Variants in KCNQ5 observed in about 807,000 individuals in gnomAD.
KCNQ5 encodes potassium voltage-gated channel subfamily KQT member 5.
Under a neutral mutation model 98.2 loss-of-function variants are expected in KCNQ5, and 30 were observed. The ratio of observed to expected loss-of-function variants is 0.31; its 90% CI spans 0.23 to 0.41. The LOEUF is 0.41. Ranked by LOEUF, KCNQ5 falls within the 10% of genes least tolerant of loss-of-function variation. The pLI, the probability that KCNQ5 is intolerant of heterozygous loss-of-function variation, is 1.00. For missense variants in KCNQ5, 835 were observed against 1,182.5 expected (o/e 0.71, Z 4.31); for synonymous variants, 458 against 449.4 (o/e 1.02, Z -0.24).
At chr6:73,112,216 G>A (rs1277220340) in intron 7 of KCNQ5, among the ~76,000 whole-genome samples, 1 of 152,138 alleles carries the variant, frequency 6.6e-6, no homozygotes, top group Non-Finnish European at 1.5e-5. Flanking sequence ...CTAGGGAAGT[G>A]GAAGCTACCG....
intron 9 of KCNQ5, among the ~76,000 whole-genome samples, chr6:73,131,566 A>C (rs1437387766): frequency 3.3e-5 from 5 of 149,320 alleles, no homozygotes. Context: ...AGATGTGTTG[A>C]AACTAAAAAG....
At chr6:72,887,213 A>G (rs1035478979) in intron 1 of KCNQ5, among the ~76,000 whole-genome samples, 3 of 152,156 alleles carry the variant, frequency 2.0e-5, no homozygotes, top group Non-Finnish European at 4.4e-5. Flanking sequence ...TAGTGGACTT[A>G]CAGTTCCACA....
At chr6:72,907,223 C>G (rs1013826736) in intron 1 of KCNQ5, among the ~76,000 whole-genome samples, 2 of 152,106 alleles carry the variant, frequency 1.3e-5, no homozygotes, top group African/African-American at 2.4e-5. Flanking sequence ...AGGCTTAGTA[C>G]TTGGGTGATG....
chr6:73,113,000 G>T (rs528298023), intron 7 of KCNQ5, among the ~76,000 whole-genome samples: 10 of 150,470 alleles, frequency 6.6e-5, no homozygotes, highest in Non-Finnish European at 1.0e-4. Flanking sequence ...GGTTTTAAAA[G>T]GTCACTAAAG....
rs1279063800 is a variant in KCNQ5 at position 73,070,761 on chromosome 6, A to G, written c.617-6561A>G. ...CCATTCGTCTTCATTAACTAGAATT[A>G]GTCACCTCATCTCACCCAGAAGCAA... On this transcript the variant is annotated intron_variant, in intron 3 of 13. Coordinates refer to ENST00000370398, the MANE Select transcript of KCNQ5 (RefSeq NM_019842.4). 2.6e-5 allele frequency among the ~76,000 whole-genome samples: 4 copies of G among 152,326 alleles called. No individual in the cohort carries two copies. The East Asian group carries it at 7.7e-4, about 29-fold the overall frequency.
chr6:73,015,574 A>G lies in KCNQ5; in HGVS notation c.489+11576A>G, dbSNP rs73753223. On this transcript the variant is annotated intron_variant, in intron 2 of 13. Transcript: ENST00000370398. ...CTAACCAAGTGGTCCAGGCTATGCT[A>G]CCAAACTCTGTACAACTTTGTTTCA... Among the ~76,000 whole-genome samples, 1,440 of 152,236 alleles carry G rather than the reference A, an allele frequency of 9.5e-3. 16 individuals carry two copies. Among genetic ancestry groups the G allele is most frequent in the African/African-American group, 0.031 (1,280 of 41,538 alleles).
intron 1 of KCNQ5, among the ~76,000 whole-genome samples, chr6:72,824,237 A>T (rs1775883081): frequency 6.6e-6 from 1 of 152,166 alleles, no homozygotes; most frequent in African/African-American, 2.4e-5. Context: ...GCAATTGAGC[A>T]ATATAAATGG....
intron 1 of KCNQ5, among the ~76,000 whole-genome samples, chr6:72,883,666 G>A (rs1778735877): frequency 6.6e-6 from 1 of 152,084 alleles, no homozygotes; most frequent in African/African-American, 2.4e-5. Context: ...AGGAGCCAGG[G>A]GTGCAGAAGA....
intron 5 of KCNQ5, among the ~76,000 whole-genome samples, chr6:73,102,501 A>G (rs951907385): frequency 6.6e-6 from 1 of 152,202 alleles, no homozygotes; most frequent in African/African-American, 2.4e-5. Flanking sequence ...CTGACAAGAG[A>G]TTAATAACCA....
At chr6:72,774,641 A>G (rs1582265143) in intron 1 of KCNQ5, among the ~76,000 whole-genome samples, 1 of 152,004 alleles carries the variant, frequency 6.6e-6, no homozygotes, top group Non-Finnish European at 1.5e-5. Context: ...CCTACAGATT[A>G]ATAAGAACAA....
chr6:72,914,341 G>A (rs888543507), intron 1 of KCNQ5, among the ~76,000 whole-genome samples: 8 of 151,780 alleles, frequency 5.3e-5, no homozygotes, highest in African/African-American at 1.9e-4. Flanking sequence ...AGCTATGAAG[G>A]ATACATGGGC....
intron 1 of KCNQ5, among the ~76,000 whole-genome samples, chr6:72,841,081 A>G (rs1385403083): frequency 1.3e-5 from 2 of 152,196 alleles, no homozygotes; most frequent in Admixed American, 6.5e-5. Context: ...TAGAATTGCC[A>G]AGAAAGTCCA....
intron 1 of KCNQ5, among the ~76,000 whole-genome samples, chr6:72,688,126 A>G (rs1352179977): frequency 2.0e-5 from 3 of 152,146 alleles, no homozygotes; most frequent in Non-Finnish European, 4.4e-5. Flanking sequence ...AGTGTTCTAA[A>G]TGCATGTTAC....
Position 72,656,970 on chromosome 6 carries a change from A to G in KCNQ5, c.398+34383A>G, listed in dbSNP as rs549210099. Among the ~76,000 whole-genome samples, 527 of 152,314 alleles carry G rather than the reference A, an allele frequency of 3.5e-3. 4 individuals are homozygous for G. Among genetic ancestry groups the G allele is most frequent in the Middle Eastern group, 6.8e-3 (2 of 294 alleles). ...AATAAAATTATGGTTTGGGAGGCCAAGGTGGGAGGATCACTTGAAGCCAGG... is the reference window on the plus strand; with the variant it reads ...AATAAAATTATGGTTTGGGAGGCCAGGGTGGGAGGATCACTTGAAGCCAGG... On this transcript the variant is annotated intron_variant, in intron 1 of 13. Coordinates refer to ENST00000370398, the MANE Select transcript of KCNQ5 (RefSeq NM_019842.4).
At chr6:72,887,931 A>G (rs772917665) in intron 1 of KCNQ5, among the ~76,000 whole-genome samples, 4 of 152,188 alleles carry the variant, frequency 2.6e-5, no homozygotes, top group Non-Finnish European at 5.9e-5. Context: ...AGAATGACAG[A>G]TAATACATTT....
At chr6:72,983,989 G>T (rs1034594289) in intron 1 of KCNQ5, among the ~76,000 whole-genome samples, 1 of 152,202 alleles carries the variant, frequency 6.6e-6, no homozygotes, top group South Asian at 2.1e-4. Flanking sequence ...GTCCACTCCA[G>T]ACCCTGTTTT....
At chr6:73,112,414 C>T (rs1485998633) in intron 7 of KCNQ5, among the ~76,000 whole-genome samples, 1 of 151,162 alleles carries the variant, frequency 6.6e-6, no homozygotes, top group African/African-American at 2.4e-5. Flanking sequence ...GGTGCGATCT[C>T]GGCTCACTGC....
intron 10 of KCNQ5, among the ~76,000 whole-genome samples, chr6:73,163,096 C>A (rs531429638): frequency 6.6e-6 from 1 of 152,254 alleles, no homozygotes; most frequent in Admixed American, 6.5e-5. Flanking sequence ...ATTGTAAAAT[C>A]AAAATGTGTC....
intron 1 of KCNQ5, among the ~76,000 whole-genome samples, chr6:72,695,659 A>G (rs1381512918): frequency 6.6e-6 from 1 of 152,116 alleles, no homozygotes; most frequent in Non-Finnish European, 1.5e-5. Context: ...GATTATAAAT[A>G]TTATGTATGA....
Sources: gnomAD v4.1 joint callset for allele counts (sites outside exome capture counted in the v4.1 genomes callset) on GRCh38, gnomAD v4.1.1 for gene constraint, MANE v1.5 for transcripts, NCBI Gene and HGNC (gene_info 2026-07-23, HGNC 2026-07-21) for gene names.